SLC6A11: variants seen among roughly 807,000 people sequenced by gnomAD.
The protein encoded by SLC6A11 is sodium- and chloride-dependent GABA transporter 3.
Under a neutral mutation model 74.8 loss-of-function variants are expected in SLC6A11, and 25 were observed. That is an observed-to-expected ratio of 0.33 (90% confidence interval 0.24 to 0.47). SLC6A11 has a LOEUF of 0.47. Ranked by LOEUF, SLC6A11 falls within the 20% of genes least tolerant of loss-of-function variation. The pLI is 1.00. For missense variants in SLC6A11, 574 were observed against 837.0 expected (o/e 0.69, Z 3.88); for synonymous variants, 330 against 330.2 (o/e 1.00, Z 0.01).
chr3:10,913,728 C>T (rs1020010885), intron 7 of SLC6A11, among the ~76,000 whole-genome samples: 1 of 152,182 alleles, frequency 6.6e-6, no homozygotes, highest in Non-Finnish European at 1.5e-5. Context: ...GAGTCTCGCT[C>T]AGTCACCCAG....
At chr3:10,876,097 C>T (rs1297102839) in intron 6 of SLC6A11, among the ~76,000 whole-genome samples, 3 of 152,254 alleles carry the variant, frequency 2.0e-5, no homozygotes, top group Non-Finnish European at 2.9e-5. Flanking sequence ...AGTCTGCGAT[C>T]TGTGGCTTCC....
chr3:10,892,966 C>T (rs953740955), intron 6 of SLC6A11, among the ~76,000 whole-genome samples: 1 of 152,152 alleles, frequency 6.6e-6, no homozygotes, highest in Admixed American at 6.5e-5. Flanking sequence ...TTGACTGACC[C>T]TTCCAGAACG....
At chr3:10,851,781 G>T (rs1694579870) in intron 5 of SLC6A11, among the ~76,000 whole-genome samples, 2 of 152,244 alleles carry the variant, frequency 1.3e-5, no homozygotes, top group Admixed American at 1.3e-4. Flanking sequence ...GCTGGGAGGG[G>T]CCCTTGGCCA....
At chr3:10,856,718 G>C (rs1575677856) in intron 5 of SLC6A11, among the ~76,000 whole-genome samples, 2 of 152,284 alleles carry the variant, frequency 1.3e-5, no homozygotes, top group South Asian at 4.1e-4. Flanking sequence ...GATGTGCCGG[G>C]TACCCGTGGT....
intron 6 of SLC6A11, among the ~76,000 whole-genome samples, chr3:10,895,080 A>G (rs1423016798): frequency 6.6e-6 from 1 of 152,080 alleles, no homozygotes; most frequent in Non-Finnish European, 1.5e-5. Context: ...GTACCAGCCT[A>G]TGGTGTTGTT....
At chr3:10,934,985 G>C (rs1419382247) in intron 12 of SLC6A11, 44 bp from the exon 13 acceptor site, 1 of 1,568,030 alleles carries the variant, frequency 6.4e-7, no homozygotes, top group Non-Finnish European at 8.7e-7. Context: ...GCCTAGCAGG[G>C]CTGAGGGCCC....
chr3:10,934,299 C>G, intron 12 of SLC6A11, 133 bp downstream of exon 12: 1 of 628,078 alleles, frequency 1.6e-6, no homozygotes, highest in Non-Finnish European at 2.8e-6. Flanking sequence ...GTTCAGGCCA[C>G]CTTACAAAGC....
At chr3:10,829,609 C>T (rs943004095) in intron 4 of SLC6A11, among the ~76,000 whole-genome samples, 1 of 152,176 alleles carries the variant, frequency 6.6e-6, no homozygotes, top group East Asian at 1.9e-4. Context: ...GCAGCTGCCC[C>T]TTCCTCCTGT....
chr3:10,821,862 C>T (rs1434410517), intron 3 of SLC6A11, among the ~76,000 whole-genome samples: 4 of 151,920 alleles, frequency 2.6e-5, no homozygotes, highest in South Asian at 2.1e-4. Context: ...TTAGGGAATT[C>T]GATAAAAGTC....
At chr3:10,879,458 C>T (rs938031340) in intron 6 of SLC6A11, among the ~76,000 whole-genome samples, 1 of 152,144 alleles carries the variant, frequency 6.6e-6, no homozygotes, top group African/African-American at 2.4e-5. Flanking sequence ...AAGCAAGAAG[C>T]ACTGGTTTCC....
chr3:10,858,401 C>G (rs1694663308), intron 5 of SLC6A11, among the ~76,000 whole-genome samples: 1 of 152,202 alleles, frequency 6.6e-6, no homozygotes, highest in Admixed American at 6.5e-5. Context: ...TCTTGAGAAG[C>G]AGGAGAGTTT....
Position 10,918,680 on chromosome 3 carries a change from T to C in SLC6A11, c.1120+227T>C, listed in dbSNP as rs1360228508. On this transcript the variant is annotated intron_variant, in intron 8 of 13. Coordinates refer to ENST00000254488, the MANE Select transcript of SLC6A11 (RefSeq NM_014229.3). This position sits in a 1 kb window ranked among gnomAD's most constrained non-coding sequence, Gnocchi z 4.5. ...AGGCATCCCCGAGTTTTGTAGATGC[T>C]GTTGCCCACTTCATTCATTTCTCCC... Among the ~76,000 whole-genome samples the C allele has an allele frequency of 6.6e-6, 1 of 152,082 alleles. No individual in the cohort carries two copies. The highest frequency in any genetic ancestry group is 1.5e-5 in the Non-Finnish European group (1 of 68,008).
intron 5 of SLC6A11, among the ~76,000 whole-genome samples, chr3:10,868,497 T>C (rs1489362828): frequency 1.2e-4 from 18 of 152,216 alleles, no homozygotes; most frequent in Admixed American, 1.2e-3. Context: ...TGTGCTAACC[T>C]TTATATTCAG....
intron 4 of SLC6A11, among the ~76,000 whole-genome samples, chr3:10,838,754 A>G (rs1369035777): frequency 6.6e-6 from 1 of 152,146 alleles, no homozygotes; most frequent in Admixed American, 6.5e-5. Context: ...GTCTCAAAAT[A>G]TGTATATATA....
intron 4 of SLC6A11, among the ~76,000 whole-genome samples, chr3:10,842,870 G>A (rs1403695999): frequency 6.6e-6 from 1 of 152,156 alleles, no homozygotes; most frequent in Non-Finnish European, 1.5e-5. Flanking sequence ...GGCTGGGGCT[G>A]GAGGGAGCCT....
intron 6 of SLC6A11, among the ~76,000 whole-genome samples, chr3:10,890,476 A>G (rs1239878841): frequency 6.6e-6 from 1 of 152,208 alleles, no homozygotes; most frequent in East Asian, 1.9e-4. Context: ...GTTGGGAGGA[A>G]AGGGTCTATC....
intron 5 of SLC6A11, among the ~76,000 whole-genome samples, chr3:10,845,263 G>A (rs1694488926): frequency 6.6e-6 from 1 of 152,188 alleles, no homozygotes; most frequent in Non-Finnish European, 1.5e-5. Context: ...TTTGAACTGA[G>A]CAGCTGCCAT....
chr3:10,843,370 C>T lies in SLC6A11; in HGVS notation c.624-844C>T, dbSNP rs539902277. On this transcript the variant is annotated intron_variant, in intron 4 of 13. Transcript: ENST00000254488. ...CTCTGCTTACCTTTCCTGCTTTTTC[C>T]TTCTGATCCCTGCCTCCCAGCTTGC... 3.3e-5 allele frequency among the ~76,000 whole-genome samples: 5 copies of T among 152,264 alleles called. No individual in the cohort carries two copies. In the East Asian group the frequency reaches 9.7e-4, roughly 29 times the overall value.
Position 10,867,903 on chromosome 3 carries a change from G to A in SLC6A11, c.757-7058G>A, listed in dbSNP as rs150320001. On this transcript the variant is annotated intron_variant, in intron 5 of 13. Coordinates refer to ENST00000254488, the MANE Select transcript of SLC6A11 (RefSeq NM_014229.3). ...TAGAATTTAATCACATTTTATTTTCGTCACATTTATTTTTGTAGTTACTTT... is the reference window on the plus strand; with the variant it reads ...TAGAATTTAATCACATTTTATTTTCATCACATTTATTTTTGTAGTTACTTT... Among the ~76,000 whole-genome samples, 202 of 152,208 alleles carry A rather than the reference G, an allele frequency of 1.3e-3. 2 individuals are homozygous for A. Among genetic ancestry groups the A allele is most frequent in the African/African-American group, 4.6e-3 (190 of 41,536 alleles).
Sources: gnomAD v4.1 joint callset for allele counts (sites outside exome capture counted in the v4.1 genomes callset) on GRCh38, gnomAD v4.1.1 for gene constraint, Gnocchi (gnomAD v3.1) non-coding constraint, MANE v1.5 for transcripts, NCBI Gene and HGNC (gene_info 2026-07-23, HGNC 2026-07-21) for gene names.